The following UQCR10 variants were observed in gnomAD, a reference collection of about 807,000 sequenced individuals.
UQCR10 encodes the protein cytochrome b-c1 complex subunit 9.
UQCR10 carries 5 observed loss-of-function variants against 6.0 expected under a neutral mutation model. The ratio of observed to expected loss-of-function variants is 0.83; its 90% CI spans 0.43 to 1.74. The LOEUF (loss-of-function observed/expected upper bound fraction) is 1.74. Among genes scored for constraint, UQCR10 ranks in the 40% most tolerant of loss-of-function variants. The probability of loss-of-function intolerance (pLI) is 0.02; values close to 1 mark genes in which losing one functional copy is unlikely to be tolerated. For missense variants in UQCR10, 101 were observed against 85.1 expected, an observed-to-expected ratio of 1.19 and a Z score of -0.74; for synonymous variants, 40 against 37.4, an observed-to-expected ratio of 1.07 and a Z score of -0.26.
At chr22:29,768,062 T>G (rs1380722565) in intron 1 of UQCR10, among the ~76,000 whole-genome samples, 2 of 152,148 alleles carry the variant, frequency 1.3e-5, no homozygotes, top group Non-Finnish European at 2.9e-5. Flanking sequence ...TCAGAAAGCC[T>G]TGGATAGGAA....
chr22:29,768,483 G>A (rs1296780960), intron 1 of UQCR10, among the ~76,000 whole-genome samples: 1 of 152,160 alleles, frequency 6.6e-6, no homozygotes, highest in Non-Finnish European at 1.5e-5. Context: ...TATGCTGCCT[G>A]TGACCAGTGC....
In UQCR10 at chr22:29,770,080, G is replaced by T; in HGVS notation, c.*361G>T. On this transcript the variant is annotated 3_prime_UTR_variant, in exon 2 of 2. Transcript: ENST00000330029. Reference sequence around the variant, plus strand: ...TTTGAGTTTTCCATTAACTTCCAAAGAATTCTGGTTTTCAAAACAGGAGCC... The same window carrying T: ...TTTGAGTTTTCCATTAACTTCCAAATAATTCTGGTTTTCAAAACAGGAGCC... The T allele has an allele frequency of 2.5e-6, 1 of 393,962 alleles. No individual in the cohort carries two copies. Among genetic ancestry groups the T allele is most frequent in the Non-Finnish European group, 4.9e-6 (1 of 202,566 alleles). The allele number at this position is 393,962 out of a possible 1,614,324, so 24.4% of individuals were successfully genotyped here. A position where few individuals can be genotyped will look rare whatever the true frequency, so the allele number is the denominator to read the frequency against.
chr22:29,768,341 A>C (rs1732703264), intron 1 of UQCR10, among the ~76,000 whole-genome samples: 2 of 152,224 alleles, frequency 1.3e-5, no homozygotes, highest in Non-Finnish European at 2.9e-5. Flanking sequence ...GGTGCAGTGC[A>C]TGCTTTATAT....
rs1442581931 is a variant in UQCR10, at chr22:29,769,950, G to C, written c.*231G>C. 3 of 659,234 alleles carry C rather than the reference G, an allele frequency of 4.6e-6. No homozygotes were observed. Among genetic ancestry groups the C allele is most frequent in the Non-Finnish European group, 8.4e-6 (3 of 356,118 alleles). The allele number at this position is 659,234 out of a possible 1,614,324, so 40.8% of individuals were successfully genotyped here. A position where few individuals can be genotyped will look rare whatever the true frequency, so the allele number is the denominator to read the frequency against. Reference sequence around the variant, plus strand: ...TAAATGTGAATTGCCCTTGAGACCTGCTTCTACATTGGTTGCTTTGTTAAC... The same window carrying C: ...TAAATGTGAATTGCCCTTGAGACCTCCTTCTACATTGGTTGCTTTGTTAAC... On this transcript the variant is annotated 3_prime_UTR_variant, in exon 2 of 2. Coordinates refer to ENST00000330029, the MANE Select transcript of UQCR10 (RefSeq NM_013387.4).
At chr22:29,769,450 T>C (rs1444967596) in intron 1 of UQCR10, among the ~76,000 whole-genome samples, 1 of 152,130 alleles carries the variant, frequency 6.6e-6, no homozygotes, top group African/African-American at 2.4e-5. Flanking sequence ...TGAGCCGAGA[T>C]TGCGCCACTA....
At chr22:29,767,576 G>T in intron 1 of UQCR10, 28 bp downstream of exon 1, 1 of 1,511,528 alleles carries the variant, frequency 6.6e-7, no homozygotes, top group Non-Finnish European at 9.1e-7. Flanking sequence ...CCCTGACCTT[G>T]GACCCGCCTG....
At chr22:29,767,726 C>A in intron 1 of UQCR10, 178 bp downstream of exon 1, 1 of 975,812 alleles carries the variant, frequency 1.0e-6, no homozygotes, top group Non-Finnish European at 1.5e-6. Context: ...AAACGTTAAG[C>A]GAGGTTAATA....
chr22:29,769,465 C>T (rs2068248313), intron 1 of UQCR10, among the ~76,000 whole-genome samples: 1 of 152,160 alleles, frequency 6.6e-6, no homozygotes, highest in Non-Finnish European at 1.5e-5. Context: ...CCACTACACT[C>T]CAGCCTGGGC....
rs1162787273 is a variant in UQCR10, at chr22:29,770,012, C to T, written c.*293C>T. Reference sequence around the variant, plus strand: ...TTCACTTGTCAGTAATTTGAGACCACTTCAAAGCCCTCTGCAAACACCCCA... The same window carrying T: ...TTCACTTGTCAGTAATTTGAGACCATTTCAAAGCCCTCTGCAAACACCCCA... On this transcript the variant is annotated 3_prime_UTR_variant, in exon 2 of 2. Coordinates refer to ENST00000330029, the MANE Select transcript of UQCR10 (RefSeq NM_013387.4). 2 of 570,680 alleles carry T rather than the reference C, an allele frequency of 3.5e-6. No homozygotes were observed. The highest frequency in any genetic ancestry group is 1.6e-5 in the South Asian group (1 of 62,542). 35.4% of individuals were successfully genotyped at this position (570,680 alleles called of 1,614,324 possible).
intron 1 of UQCR10, among the ~76,000 whole-genome samples, chr22:29,768,418 TTTTAA>T (rs2068239681): frequency 6.6e-6 from 1 of 152,158 alleles, no homozygotes; most frequent in Non-Finnish European, 1.5e-5. Flanking sequence ...TCACTTGTGT[TTTTAA>T]TTTGAGACTG....
At position 29,767,416 on chromosome 22, in the gene UQCR10, GACTTCGAAATTGT is replaced by G; in HGVS notation, c.22_34del (p.Ser8ProfsTer122). The G allele has an allele frequency of 6.2e-7, 1 of 1,613,204 alleles. No individual in the cohort carries two copies. The highest frequency in any genetic ancestry group is 8.5e-7 in the Non-Finnish European group (1 of 1,179,440). On this transcript the variant is annotated frameshift_variant, in exon 1 of 2. Coordinates refer to ENST00000330029, the MANE Select transcript of UQCR10 (RefSeq NM_013387.4). LOFTEE classifies it high-confidence loss of function. ...GAAGAAACATGGCGGCCGCGACGTTGACTTCGAAATTGTACTCCCTGCTGTTCCGCAGGACCTC... is the reference window on the plus strand; with the variant it reads ...GAAGAAACATGGCGGCCGCGACGTTGACTCCCTGCTGTTCCGCAGGACCTC...
rs1159896297 is a variant in UQCR10, at chr22:29,767,449, G to C, written c.51G>C (p.Arg17Ser). 6.2e-7 allele frequency: 1 copy of C among 1,613,976 alleles called. No homozygotes were observed. The highest frequency in any genetic ancestry group is 1.1e-5 in the South Asian group (1 of 91,088). Residue 17 changes from arginine to serine, a missense_variant, in exon 1 of 2, where the codon AGG becomes AGC. Physicochemically the swap from Arg to Ser is moderately radical, Grantham distance 110. Coordinates refer to ENST00000330029, the MANE Select transcript of UQCR10 (RefSeq NM_013387.4). ...AATTGTACTCCCTGCTGTTCCGCAG[G>C]ACCTCCACCTTCGCCCTCACCATCA... The part of the protein sequence containing the change: ...TSKLYSLLFR[R>S]TSTFALTIIV...
At position 29,767,529 on chromosome 22, in the gene UQCR10, A is replaced by T; in HGVS notation, c.131A>T (p.Tyr44Phe). 1 of 1,613,904 alleles carries T rather than the reference A, an allele frequency of 6.2e-7. No individual in the cohort carries two copies. The highest frequency in any genetic ancestry group is 8.5e-7 in the Non-Finnish European group (1 of 1,179,830). The change falls in exon 1 of 2, where the codon TAC becomes TTC. Residue 44 changes from tyrosine (Y) to phenylalanine (F), a missense_variant. By Grantham distance (22) the Tyr-to-Phe change is conservative (BLOSUM62 3). Coordinates refer to ENST00000330029, the MANE Select transcript of UQCR10 (RefSeq NM_013387.4). ...TTCGATCAAGGCGCGGACGCTATCT[A>T]CGACCACATCAACGAGGGGGTGAGG... is the stretch of plus-strand genomic sequence containing the variant. ...RAFDQGADAI[Y>F]DHINEGKLWK...
In UQCR10 at chr22:29,769,779, A is replaced by G. The variant is rs756985638; in HGVS notation, c.*60A>G. The G allele has an allele frequency of 6.4e-7, 1 of 1,562,834 alleles. No individual in the cohort carries two copies. The highest frequency in any genetic ancestry group is 8.7e-7 in the Non-Finnish European group (1 of 1,147,680). ...AGGTCCACCCAGCAGCTGTTTGCCC[A>G]GAGCTGGAGCCTCAGCTTGAAGATG... On this transcript the variant is annotated 3_prime_UTR_variant, in exon 2 of 2. Transcript: ENST00000330029.
chr22:29,769,979 A>G lies in UQCR10; in HGVS notation c.*260A>G. 1 of 635,432 alleles carries G rather than the reference A, an allele frequency of 1.6e-6. No homozygotes were observed. The highest frequency in any genetic ancestry group is 2.1e-5 in the Admixed American group (1 of 47,786). 39.4% of individuals were successfully genotyped at this position (635,432 alleles called of 1,614,324 possible). A position where few individuals can be genotyped will look rare whatever the true frequency, so the allele number is the denominator to read the frequency against. On this transcript the variant is annotated 3_prime_UTR_variant, in exon 2 of 2. Transcript: ENST00000330029. ...CTACATTGGTTGCTTTGTTAACTCT[A>G]CCTGATCTTCACTTGTCAGTAATTT... is the stretch of plus-strand genomic sequence containing the variant.
In UQCR10 at chr22:29,769,819, C is replaced by T; in HGVS notation, c.*100C>T. Reference sequence around the variant, plus strand: ...GCTTGAAGATGATGCTCAAGGTACTCTTCATGGACCACCATTCGCTGTTGG... The same window carrying T: ...GCTTGAAGATGATGCTCAAGGTACTTTTCATGGACCACCATTCGCTGTTGG... On this transcript the variant is annotated 3_prime_UTR_variant, in exon 2 of 2. Coordinates refer to ENST00000330029, the MANE Select transcript of UQCR10 (RefSeq NM_013387.4). 7.6e-7 allele frequency: 1 copy of T among 1,323,486 alleles called. No individual in the cohort carries two copies. Among genetic ancestry groups the T allele is most frequent in the African/African-American group, 1.5e-5 (1 of 68,242 alleles). 82.0% of individuals were successfully genotyped at this position (1,323,486 alleles called of 1,614,324 possible). A position where few individuals can be genotyped will look rare whatever the true frequency, so the allele number is the denominator to read the frequency against.
Position 29,768,733 on chromosome 22 carries a change from C to T in UQCR10, c.151-945C>T, listed in dbSNP as rs530129022. On this transcript the variant is annotated intron_variant, in intron 1 of 1. Transcript: ENST00000330029. ...CCTTGACCTCCTGGGTTCAAGTGAT[C>T]TTCCCACCTCAGCCTCCTGAGTAGC... 2.6e-5 allele frequency among the ~76,000 whole-genome samples: 4 copies of T among 152,114 alleles called. No homozygotes were observed. In the South Asian group the frequency reaches 8.3e-4, roughly 32 times the overall value.
intron 1 of UQCR10, among the ~76,000 whole-genome samples, chr22:29,769,356 G>C (rs116223116): frequency 0.01 from 1,554 of 152,232 alleles, 26 homozygotes; most frequent in African/African-American, 0.036. Flanking sequence ...ACAAAAATTA[G>C]CCGGGTAGCG....
intron 1 of UQCR10, 107 bp from the exon 2 acceptor site, chr22:29,769,571 T>C (rs1474138029): frequency 1.6e-6 from 2 of 1,218,908 alleles, no homozygotes; most frequent in Middle Eastern, 2.8e-4. Flanking sequence ...AATCAGGACA[T>C]GGCATGTGTT....
Sources: allele counts gnomAD v4.1 joint callset (sites outside exome capture counted in the v4.1 genomes callset), GRCh38; gene constraint gnomAD v4.1.1; transcripts MANE v1.5; gene names NCBI Gene and HGNC (gene_info 2026-07-23, HGNC 2026-07-21).